The following MGAT4B variants were observed in gnomAD, a reference collection of about 807,000 sequenced individuals.
MGAT4B encodes the protein N-acetylglucosaminyltransferase IVb.
Under a neutral mutation model 73.9 loss-of-function variants are expected in MGAT4B, and 38 were observed. The observed-to-expected ratio is 0.51, with a 90% CI of 0.40 to 0.67. MGAT4B has a LOEUF of 0.67. Ranked by LOEUF, MGAT4B falls within the 30% of genes least tolerant of loss-of-function variation. The pLI, the probability that MGAT4B is intolerant of heterozygous loss-of-function variation, is 0.00. For synonymous variants in MGAT4B, 373 were observed against 313.5 expected, an observed-to-expected ratio of 1.19 and a Z score of -2.01; for missense variants, 686 against 735.2, an observed-to-expected ratio of 0.93 and a Z score of 0.77.
chr5:179,806,591 G>C lies in MGAT4B; in HGVS notation c.-8C>G. On this transcript the variant is annotated 5_prime_UTR_variant, in exon 1 of 15. Transcript: ENST00000292591. This position sits in a 1 kb window ranked among gnomAD's most constrained non-coding sequence, Gnocchi z 4.6. Reference sequence around the variant, plus strand: ...GCCATTGCGGAGCCTCATCTCCTCGGGTGCGCGGCGGGCGCCCGCGGGGCC... The same window carrying C: ...GCCATTGCGGAGCCTCATCTCCTCGCGTGCGCGGCGGGCGCCCGCGGGGCC... 3 of 1,245,760 alleles carry C rather than the reference G, an allele frequency of 2.4e-6. No individual in the cohort carries two copies. The highest frequency in any genetic ancestry group is 2.1e-6 in the Non-Finnish European group (2 of 965,962). The allele number at this position is 1,245,760 out of a possible 1,614,324, so 77.2% of individuals were successfully genotyped here. A position where few individuals can be genotyped will look rare whatever the true frequency, so the allele number is the denominator to read the frequency against.
At position 179,797,940 on chromosome 5, in the gene MGAT4B, C is replaced by A; in HGVS notation, c.*105G>T. 6.8e-7 allele frequency: 1 copy of A among 1,473,242 alleles called. No homozygotes were observed. Among genetic ancestry groups the A allele is most frequent in the Non-Finnish European group, 9.3e-7 (1 of 1,079,414 alleles). The allele number at this position is 1,473,242 out of a possible 1,614,324, so 91.3% of individuals were successfully genotyped here. A position where few individuals can be genotyped will look rare whatever the true frequency, so the allele number is the denominator to read the frequency against. The stretch of plus-strand genomic sequence containing the variant: ...GGCCCAAGCCCGACGCCAGGCAGAA[C>A]CCTTTGGGCGGGGCCGTATCTGGCC... On this transcript the variant is annotated 3_prime_UTR_variant, in exon 15 of 15. Transcript: ENST00000292591.
At position 179,801,494 on chromosome 5, in the gene MGAT4B, G is replaced by C. The variant is rs1294518090; in HGVS notation, c.425-27C>G. 6.2e-7 allele frequency: 1 copy of C among 1,602,392 alleles called. No individual in the cohort carries two copies. Among genetic ancestry groups the C allele is most frequent in the Admixed American group, 1.7e-5 (1 of 59,752 alleles). On this transcript the variant is annotated intron_variant, in intron 3 of 14. Coordinates refer to ENST00000292591, the MANE Select transcript of MGAT4B (RefSeq NM_014275.5). This position sits in a 1 kb window ranked among gnomAD's most constrained non-coding sequence, Gnocchi z 4.8. Reference sequence around the variant, plus strand: ...TATGGGGGACGGAGGCCCGACGCTGGAAAGGGTGCGGGGGCCACCCGTCCC... The same window carrying C: ...TATGGGGGACGGAGGCCCGACGCTGCAAAGGGTGCGGGGGCCACCCGTCCC...
rs932687966 is a variant in MGAT4B at position 179,801,438 on chromosome 5, G to A, written c.454C>T (p.Arg152Trp). The change falls in exon 4 of 15, where the codon CGG (arginine) becomes TGG (tryptophan). Residue 152 changes from arginine (R) to tryptophan (W), a missense_variant. Physicochemically the swap from Arg to Trp is moderately radical, Grantham distance 101. This residue lies in a region of MGAT4B where 449 missense variants were observed against 536.8 expected (regional missense o/e 0.84). Coordinates refer to ENST00000292591, the MANE Select transcript of MGAT4B (RefSeq NM_014275.5). This position sits in a 1 kb window ranked among gnomAD's most constrained non-coding sequence, Gnocchi z 4.8. ...GTCAGGTACGAGTGCACCTCGCGCC[G>A]CACGCTCGGGATGCCCATCACCACC... is the stretch of plus-strand genomic sequence containing the variant. The part of the protein sequence containing the change: ...VSVVMGIPSV[R>W]REVHSYLTDT... 4.4e-6 allele frequency: 7 copies of A among 1,609,174 alleles called. No homozygotes were observed. Among genetic ancestry groups the A allele is most frequent in the African/African-American group, 2.7e-5 (2 of 74,996 alleles).
In MGAT4B at chr5:179,798,794, C is replaced by T. The variant is rs998829142; in HGVS notation, c.1343+134G>A. On this transcript the variant is annotated intron_variant, in intron 11 of 14. Coordinates refer to ENST00000292591, the MANE Select transcript of MGAT4B (RefSeq NM_014275.5). Reference sequence around the variant, plus strand: ...TAGGGGCTGCCTGACTTAGTCCTCACAAGGTAGCTACCATTACGAGGCCCA... The same window carrying T: ...TAGGGGCTGCCTGACTTAGTCCTCATAAGGTAGCTACCATTACGAGGCCCA... 5 of 1,174,340 alleles carry T rather than the reference C, an allele frequency of 4.3e-6. No individual in the cohort carries two copies. The African/African-American group carries it at 4.6e-5, about 11-fold the overall frequency. 72.7% of individuals were successfully genotyped at this position (1,174,340 alleles called of 1,614,324 possible).
At chr5:179,802,333 C>G in intron 1 of MGAT4B, 1 of 1,349,546 alleles carries the variant, frequency 7.4e-7, no homozygotes, top group Non-Finnish European at 9.5e-7. Flanking sequence ...CCAAAGCCCA[C>G]TCTTGCTTTT....
rs1756705367 is a variant in MGAT4B at position 179,797,721 on chromosome 5, C to T, written c.*324G>A. 3.0e-6 allele frequency: 1 copy of T among 331,074 alleles called. No homozygotes were observed. Among genetic ancestry groups the T allele is most frequent in the Non-Finnish European group, 5.5e-6 (1 of 181,180 alleles). The allele number at this position is 331,074 out of a possible 1,614,324, so 20.5% of individuals were successfully genotyped here. On this transcript the variant is annotated 3_prime_UTR_variant, in exon 15 of 15. Transcript: ENST00000292591. ...AACACAGCACATAAAGTAGTATATG[C>T]ATTCCAGTGTTCGCGCCAGAGACGG...
rs1266513495 is a variant in MGAT4B, at chr5:179,803,159, A to C, written c.98-1190T>G. 1.6e-5 allele frequency: 16 copies of C among 985,424 alleles called. No homozygotes were observed. The African/African-American group carries it at 2.6e-4, about 16-fold the overall frequency. The allele number at this position is 985,424 out of a possible 1,614,324, so 61.0% of individuals were successfully genotyped here. On this transcript the variant is annotated intron_variant, in intron 1 of 14. Transcript: ENST00000292591. ...GAAGGGGTGGACCTGGGCAGGAGGG[A>C]AAGGTTTAAGGAGCAGGGAGCCAGG...
rs1342640268 is a variant in MGAT4B, at chr5:179,798,670, G to C, written c.1344-79C>G. On this transcript the variant is annotated intron_variant, in intron 11 of 14. Coordinates refer to ENST00000292591, the MANE Select transcript of MGAT4B (RefSeq NM_014275.5). ...CCCAGGGCCCAGCAGAGAAAGGCCA[G>C]GCCTGCGCCAGGAGGGCCCCCCAGG... The C allele has an allele frequency of 2.0e-6, 3 of 1,511,474 alleles. No individual in the cohort carries two copies. The African/African-American group carries it at 4.1e-5, about 21-fold the overall frequency. 93.6% of individuals were successfully genotyped at this position (1,511,474 alleles called of 1,614,324 possible).
chr5:179,800,496 T>G lies in MGAT4B; in HGVS notation c.707A>C (p.Lys236Thr). The G allele has an allele frequency of 8.1e-6, 13 of 1,606,874 alleles. No homozygotes were observed. The highest frequency in any genetic ancestry group is 8.5e-6 in the Non-Finnish European group (10 of 1,176,732). ...GAGTAACTAGTACCTGACTCTCTCC[T>G]TGGGGTCCCCAAAGGACTCTCGGAG... ...SRLRESFGDP[K>T]ERVRWRTKQN... The change falls in exon 6 of 15, where the codon AAG (lysine) becomes ACG (threonine). Residue 236 changes from lysine (K) to threonine (T), a missense_variant. Lys to Thr is a moderately conservative substitution (Grantham distance 78, BLOSUM62 -1). This residue lies in a region of MGAT4B where 449 missense variants were observed against 536.8 expected (regional missense o/e 0.84). Transcript: ENST00000292591.
At chr5:179,799,753 C>T (rs974796658) in intron 8 of MGAT4B, 117 bp from the exon 9 acceptor site, 23 of 1,494,924 alleles carry the variant, frequency 1.5e-5, no homozygotes, top group South Asian at 9.7e-5. Context: ...GTGGGCATAA[C>T]GGGGCAGGGA....
Position 179,806,306 on chromosome 5 carries a change from G to C in MGAT4B, c.97+181C>G, listed in dbSNP as rs1757151515. ...CACGGGCGCGGCCCGGGCCCGAGGA[G>C]AACGCCGCGGCTCCAGCAGCAAACA... On this transcript the variant is annotated intron_variant, in intron 1 of 14. Coordinates refer to ENST00000292591, the MANE Select transcript of MGAT4B (RefSeq NM_014275.5). The surrounding 1 kb of genome is among the most constrained non-coding windows in gnomAD (Gnocchi z 4.6). 5.1e-6 allele frequency: 1 copy of C among 196,724 alleles called. No individual in the cohort carries two copies. Among genetic ancestry groups the C allele is most frequent in the Non-Finnish European group, 9.3e-6 (1 of 107,308 alleles). The allele number at this position is 196,724 out of a possible 1,614,324, so 12.2% of individuals were successfully genotyped here.
rs749385424 is a variant in MGAT4B at position 179,801,310 on chromosome 5, A to G, written c.558+24T>C. ...GCGGGGGCTCCTCTGAATGTCCCCC[A>G]ACCCCGCGTCCCGGCTCACTCGCCT... On this transcript the variant is annotated intron_variant, in intron 4 of 14. Coordinates refer to ENST00000292591, the MANE Select transcript of MGAT4B (RefSeq NM_014275.5). The surrounding 1 kb of genome is among the most constrained non-coding windows in gnomAD (Gnocchi z 4.8). The G allele has an allele frequency of 1.3e-6, 2 of 1,596,402 alleles. No homozygotes were observed. The highest frequency in any genetic ancestry group is 1.7e-6 in the Non-Finnish European group (2 of 1,169,062).
At chr5:179,799,735 A>G in intron 8 of MGAT4B, 99 bp from the exon 9 acceptor site, 1 of 1,566,744 alleles carries the variant, frequency 6.4e-7, no homozygotes, top group East Asian at 2.2e-5. Context: ...GGCAGGCTTC[A>G]GGCAGGTGTG....
chr5:179,798,315 C>A (rs1272804826), intron 13 of MGAT4B, 32 bp downstream of exon 13: 1 of 1,612,918 alleles, frequency 6.2e-7, no homozygotes, highest in South Asian at 1.1e-5. Flanking sequence ...TCCCTGAACC[C>A]CAGCCCACGC....
rs377385523 is a variant in MGAT4B, at chr5:179,798,333, C to T, written c.1510+14G>A. ...CTGAACCCCAGCCCACGCTCTCCCCCAAACCCTACCCACCGATCTGGAGGT... is the reference window on the plus strand; with the variant it reads ...CTGAACCCCAGCCCACGCTCTCCCCTAAACCCTACCCACCGATCTGGAGGT... On this transcript the variant is annotated intron_variant, in intron 13 of 14. Coordinates refer to ENST00000292591, the MANE Select transcript of MGAT4B (RefSeq NM_014275.5). The T allele has an allele frequency of 6.2e-7, 1 of 1,613,084 alleles. No individual in the cohort carries two copies. The highest frequency in any genetic ancestry group is 1.1e-5 in the South Asian group (1 of 91,072).
At chr5:179,802,163 C>T in intron 1 of MGAT4B, 194 bp from the exon 2 acceptor site, 1 of 1,505,086 alleles carries the variant, frequency 6.6e-7, no homozygotes. Flanking sequence ...GGGGAGAAAA[C>T]CAGGGGAATT....
chr5:179,805,200 G>C (rs1757092468), intron 1 of MGAT4B: 1 of 152,300 alleles, frequency 6.6e-6, no homozygotes, highest in African/African-American at 2.4e-5. Flanking sequence ...GCACACACTG[G>C]CTCAGGACAA....
At chr5:179,803,183 G>T (rs1024487148) in intron 1 of MGAT4B, 6 of 985,240 alleles carry the variant, frequency 6.1e-6, no homozygotes, top group South Asian at 4.7e-5. Context: ...CAGGGAGCCA[G>T]GTAGATCTTC....
In MGAT4B at chr5:179,801,230, A is replaced by G. The variant is rs1160562540; in HGVS notation, c.558+104T>C. The G allele has an allele frequency of 6.9e-7, 1 of 1,440,518 alleles. No homozygotes were observed. Among genetic ancestry groups the G allele is most frequent in the African/African-American group, 1.4e-5 (1 of 70,630 alleles). The allele number at this position is 1,440,518 out of a possible 1,614,324, so 89.2% of individuals were successfully genotyped here. A position where few individuals can be genotyped will look rare whatever the true frequency, so the allele number is the denominator to read the frequency against. ...GGAGCATTTGCGAATGAAACTAGCAACTGAACTTCCGACAGCTTTCTCCTC... is the reference window on the plus strand; with the variant it reads ...GGAGCATTTGCGAATGAAACTAGCAGCTGAACTTCCGACAGCTTTCTCCTC... On this transcript the variant is annotated intron_variant, in intron 4 of 14. Transcript: ENST00000292591. The surrounding 1 kb of genome is among the most constrained non-coding windows in gnomAD (Gnocchi z 4.8).
Sources: gnomAD v4.1 joint callset for allele counts on GRCh38, gnomAD v4.1.1 for gene constraint, gnomAD v4.1.1 regional missense constraint, Gnocchi (gnomAD v3.1) non-coding constraint, MANE v1.5 for transcripts, NCBI Gene and HGNC (gene_info 2026-07-23, HGNC 2026-07-21) for gene names.